The following FARSB variants were observed in gnomAD, a reference collection of about 807,000 sequenced individuals.
FARSB encodes the protein phenylalanyl-tRNA synthetase subunit beta.
Under a neutral mutation model 69.6 loss-of-function variants are expected in FARSB, and 40 were observed. That is an observed-to-expected ratio of 0.57 (90% CI 0.45 to 0.75). FARSB has a LOEUF of 0.75. FARSB is among the 30% of genes least tolerant of loss of function. The probability of loss-of-function intolerance (pLI) is 0.00; values close to 1 mark genes in which losing one functional copy is unlikely to be tolerated. For missense variants in FARSB, 632 were observed against 722.9 expected (o/e 0.87, Z 1.44); for synonymous variants, 235 against 247.2 (o/e 0.95, Z 0.46).
intron 1 of FARSB, 71 bp downstream of exon 1, chr2:222,655,945 A>G: frequency 1.6e-6 from 2 of 1,262,344 alleles, no homozygotes; most frequent in Non-Finnish European, 2.3e-6. Context: ...ATGTCGCCAC[A>G]TTGCCCTTTT....
At position 222,642,990 on chromosome 2, in the gene FARSB, T is replaced by C; in HGVS notation, c.130A>G (p.Ile44Val). ...ACATTACCTTGTTCTTTACTTATTATTTCCTTCTCAGATGTCTAAAACAAG... is the reference window on the plus strand; with the variant it reads ...ACATTACCTTGTTCTTTACTTATTACTTCCTTCTCAGATGTCTAAAACAAG... ...ELDEITSEKE[I>V]ISKEQGNVKA... The change falls in exon 3 of 17, where the codon ATA becomes GTA. Residue 44 changes from isoleucine (I) to valine (V), a missense_variant. Transcript: ENST00000281828. 1.9e-6 allele frequency: 3 copies of C among 1,598,706 alleles called. No individual in the cohort carries two copies. The highest frequency in any genetic ancestry group is 1.7e-6 in the Non-Finnish European group (2 of 1,171,766).
intron 16 of FARSB, among the ~76,000 whole-genome samples, chr2:222,575,727 T>C (rs569548228): frequency 6.6e-6 from 1 of 152,142 alleles, no homozygotes; most frequent in Admixed American, 6.5e-5. Context: ...AGAATTCAAT[T>C]TCCAAAACTT....
chr2:222,578,987 CAAA>C (rs1689903930), intron 16 of FARSB, among the ~76,000 whole-genome samples: 1 of 152,014 alleles, frequency 6.6e-6, no homozygotes, highest in East Asian at 1.9e-4. Flanking sequence ...ATCTCAAAAA[CAAA>C]GAAAAGAAAA....
chr2:222,648,235 T>C (rs1276015083), intron 2 of FARSB, among the ~76,000 whole-genome samples: 2 of 152,232 alleles, frequency 1.3e-5, no homozygotes, highest in Non-Finnish European at 2.9e-5. Flanking sequence ...AAATGCTTCC[T>C]CATTTTTATA....
At chr2:222,653,616 A>G (rs1037622300) in intron 1 of FARSB, among the ~76,000 whole-genome samples, 3 of 151,402 alleles carry the variant, frequency 2.0e-5, no homozygotes, top group African/African-American at 7.3e-5. Context: ...AATAACATCA[A>G]TCCTTCTGAC....
intron 2 of FARSB, among the ~76,000 whole-genome samples, chr2:222,645,619 T>C (rs1240905157): frequency 6.6e-6 from 1 of 151,950 alleles, no homozygotes; most frequent in Admixed American, 6.6e-5. Flanking sequence ...GTATGTCTTT[T>C]TTTTTTTTTG....
intron 16 of FARSB, among the ~76,000 whole-genome samples, chr2:222,595,298 T>C (rs1690381600): frequency 1.3e-5 from 2 of 152,190 alleles, no homozygotes; most frequent in Non-Finnish European, 2.9e-5. Context: ...TCTCATATAT[T>C]TCCAAGCTCA....
At chr2:222,596,330 AG>A (rs1473676452) in intron 16 of FARSB, among the ~76,000 whole-genome samples, 2 of 152,210 alleles carry the variant, frequency 1.3e-5, no homozygotes, top group Non-Finnish European at 2.9e-5. Context: ...GCACGGAGCC[AG>A]GTTTCTCAAA....
At chr2:222,626,636 G>C (rs575242882) in intron 10 of FARSB, among the ~76,000 whole-genome samples, 15 of 152,050 alleles carry the variant, frequency 9.9e-5, no homozygotes, top group Non-Finnish European at 1.9e-4. Context: ...ATGATTTTAA[G>C]GGTTTATCCA....
At chr2:222,625,204 CATG>C (rs774100583) in intron 10 of FARSB, among the ~76,000 whole-genome samples, 2 of 152,120 alleles carry the variant, frequency 1.3e-5, no homozygotes, top group Non-Finnish European at 2.9e-5. Context: ...AGTCTAAGAG[CATG>C]ATGAAGATAT....
intron 15 of FARSB, 108 bp from the exon 16 acceptor site, chr2:222,600,191 T>C: frequency 1.2e-6 from 1 of 852,288 alleles, no homozygotes; most frequent in Non-Finnish European, 1.8e-6. Context: ...AAACCAAATA[T>C]TAAACATTCA....
At chr2:222,594,359 C>T (rs1405880095) in intron 16 of FARSB, among the ~76,000 whole-genome samples, 2 of 152,026 alleles carry the variant, frequency 1.3e-5, no homozygotes, top group Non-Finnish European at 2.9e-5. Context: ...TGATACACTA[C>T]AGTTTATGTA....
At chr2:222,594,868 A>G (rs1051606478) in intron 16 of FARSB, among the ~76,000 whole-genome samples, 2 of 152,240 alleles carry the variant, frequency 1.3e-5, no homozygotes, top group African/African-American at 4.8e-5. Flanking sequence ...CAAGAGCAGT[A>G]AAAACAAGGC....
At position 222,616,985 on chromosome 2, in the gene FARSB, C is replaced by CTT. The variant is rs1004946913; in HGVS notation, c.1344+2658_1344+2659dup. 2.1e-4 allele frequency among the ~76,000 whole-genome samples: 6 copies of CTT among 28,368 alleles called. 1 individual carries two copies. Among genetic ancestry groups the CTT allele is most frequent in the East Asian group, 1.4e-3 (4 of 2,772 alleles). 18.6% of individuals were successfully genotyped at this position (28,368 alleles called of 152,430 possible). On this transcript the variant is annotated intron_variant, in intron 14 of 16. Transcript: ENST00000281828. Reference sequence around the variant, plus strand: ...GGTACTTTATGCAGAAAGATTGATTCTTTTTTTTTTTTTTTTTTTTTTTTT... The same window carrying CTT: ...GGTACTTTATGCAGAAAGATTGATTCTTTTTTTTTTTTTTTTTTTTTTTTTTT...
At chr2:222,646,182 C>T (rs1691850726) in intron 2 of FARSB, among the ~76,000 whole-genome samples, 1 of 152,192 alleles carries the variant, frequency 6.6e-6, no homozygotes, top group East Asian at 1.9e-4. Context: ...CCATCCTGTA[C>T]TAAAATTGGT....
At chr2:222,597,984 C>G (rs1428820275) in intron 16 of FARSB, among the ~76,000 whole-genome samples, 1 of 152,228 alleles carries the variant, frequency 6.6e-6, no homozygotes, top group East Asian at 1.9e-4. Context: ...CTTCCTCACC[C>G]TATAGCCAAA....
chr2:222,578,534 G>A (rs1234489291), intron 16 of FARSB, among the ~76,000 whole-genome samples: 1 of 152,184 alleles, frequency 6.6e-6, no homozygotes, highest in African/African-American at 2.4e-5. Flanking sequence ...CAGGTGACAA[G>A]TAGGGCATGT....
At chr2:222,645,768 T>C (rs1691836670) in intron 2 of FARSB, among the ~76,000 whole-genome samples, 1 of 152,126 alleles carries the variant, frequency 6.6e-6, no homozygotes, top group Non-Finnish European at 1.5e-5. Flanking sequence ...TAATTTATTA[T>C]AAAGTAGGTC....
chr2:222,650,031 T>C (rs1691989097), intron 1 of FARSB, among the ~76,000 whole-genome samples: 1 of 152,152 alleles, frequency 6.6e-6, no homozygotes, highest in African/African-American at 2.4e-5. Context: ...AGAAGCCAGA[T>C]GTGTAAATAA....
Sources: gnomAD v4.1 joint callset for allele counts (sites outside exome capture counted in the v4.1 genomes callset) on GRCh38, gnomAD v4.1.1 for gene constraint, MANE v1.5 for transcripts, NCBI Gene and HGNC (gene_info 2026-07-23, HGNC 2026-07-21) for gene names.